The following PTPN4 variants were observed in gnomAD, a reference collection of about 807,000 sequenced individuals.
PTPN4 encodes tyrosine-protein phosphatase non-receptor type 4.
A neutral mutation model predicts 135.5 loss-of-function variants in PTPN4; 49 were observed. That is an observed-to-expected ratio of 0.36 (90% CI 0.29 to 0.46). PTPN4 has a LOEUF of 0.46. PTPN4 is among the 20% of genes least tolerant of loss of function. The pLI, the probability that PTPN4 is intolerant of heterozygous loss-of-function variation, is 1.00. For synonymous variants in PTPN4, 333 were observed against 369.9 expected (o/e 0.90, Z 1.14); for missense variants, 860 against 1,101.0 (o/e 0.78, Z 3.10).
At chr2:119,879,377 G>C (rs1678036404) in intron 5 of PTPN4, among the ~76,000 whole-genome samples, 1 of 152,160 alleles carries the variant, frequency 6.6e-6, no homozygotes, top group Non-Finnish European at 1.5e-5. Flanking sequence ...GAATTAATTT[G>C]CTCTCAGACC....
In PTPN4 at chr2:119,962,646, A is replaced by C. The variant is rs369578318; in HGVS notation, c.2311A>C (p.Thr771Pro). Residue 771 changes from threonine to proline, a missense_variant, in exon 24 of 27, where the codon ACA becomes CCA. By Grantham distance (38) the Thr-to-Pro change is conservative. Around this residue, in one of 2 missense-constraint regions of PTPN4, gnomAD observed 176 missense variants for 294.1 expected, o/e 0.60. Coordinates refer to ENST00000263708, the MANE Select transcript of PTPN4 (RefSeq NM_002830.4). ...ATGTCACCAATATTGGCCAGAACCC[A>C]CAGGCAGTTCATCTTATGGATGCTA... ...VKCHQYWPEP[T>P]GSSSYGCYQV... 1 of 1,577,654 alleles carries C rather than the reference A, an allele frequency of 6.3e-7. No homozygotes were observed. The highest frequency in any genetic ancestry group is 1.7e-5 in the Admixed American group (1 of 58,398).
At chr2:119,818,703 C>T (rs1368321687) in intron 2 of PTPN4, among the ~76,000 whole-genome samples, 1 of 152,102 alleles carries the variant, frequency 6.6e-6, no homozygotes, top group African/African-American at 2.4e-5. Context: ...TTATTAAGTC[C>T]CTCTAAATAA....
chr2:119,788,633 T>G (rs1691086186), intron 1 of PTPN4, among the ~76,000 whole-genome samples: 1 of 152,192 alleles, frequency 6.6e-6, no homozygotes, highest in Non-Finnish European at 1.5e-5. Context: ...TTGTCTGTGA[T>G]TTTGAACGTA....
chr2:119,778,485 G>A (rs1483899667), intron 1 of PTPN4, among the ~76,000 whole-genome samples: 7 of 152,148 alleles, frequency 4.6e-5, no homozygotes, highest in African/African-American at 1.7e-4. Context: ...TAGCAACTAG[G>A]AGCTATTCAC....
At chr2:119,873,811 T>C (rs1677947804) in intron 3 of PTPN4, among the ~76,000 whole-genome samples, 1 of 152,210 alleles carries the variant, frequency 6.6e-6, no homozygotes, top group Admixed American at 6.5e-5. Context: ...CAGCAGTTCT[T>C]GGCAAAGAAA....
At chr2:119,880,437 T>C (rs887583383) in intron 5 of PTPN4, among the ~76,000 whole-genome samples, 5 of 152,066 alleles carry the variant, frequency 3.3e-5, no homozygotes, top group Non-Finnish European at 7.4e-5. Flanking sequence ...TTTTTTTTTT[T>C]TTCTTTTTTT....
chr2:119,962,385 C>A (rs1389963790), intron 23 of PTPN4, among the ~76,000 whole-genome samples: 1 of 151,126 alleles, frequency 6.6e-6, no homozygotes, highest in Non-Finnish European at 1.5e-5. Flanking sequence ...ACCCAGGAGG[C>A]AGAGGTTGCA....
chr2:119,965,461 A>G (rs373618010), intron 24 of PTPN4, 36 bp from the exon 25 acceptor site: 17 of 1,562,912 alleles, frequency 1.1e-5, no homozygotes, highest in Non-Finnish European at 1.4e-5. Flanking sequence ...TCAATAATAC[A>G]TAAGTCAAGG....
At chr2:119,834,283 C>T (rs1294942756) in intron 2 of PTPN4, among the ~76,000 whole-genome samples, 1 of 152,102 alleles carries the variant, frequency 6.6e-6, no homozygotes, top group Non-Finnish European at 1.5e-5. Flanking sequence ...CAGACAACCT[C>T]TCATCACCTC....
intron 2 of PTPN4, among the ~76,000 whole-genome samples, chr2:119,821,254 A>T (rs538827938): frequency 6.6e-6 from 1 of 151,860 alleles, no homozygotes; most frequent in Non-Finnish European, 1.5e-5. Context: ...CACCATGCCC[A>T]GCTAATTTTT....
At chr2:119,932,210 C>G in intron 13 of PTPN4, 1 of 333,932 alleles carries the variant, frequency 3.0e-6, no homozygotes, top group South Asian at 5.9e-5. Context: ...CTTACTCTTC[C>G]TAGCCTGTCT....
chr2:119,816,583 C>A (rs1375858435), intron 2 of PTPN4, among the ~76,000 whole-genome samples: 1 of 152,054 alleles, frequency 6.6e-6, no homozygotes, highest in African/African-American at 2.4e-5. Context: ...TGTAACATAT[C>A]ATGAAATAAT....
chr2:119,847,016 G>A (rs1677509088), intron 2 of PTPN4, among the ~76,000 whole-genome samples: 1 of 150,694 alleles, frequency 6.6e-6, no homozygotes, highest in Non-Finnish European at 1.5e-5. Context: ...AGAGAGGAGA[G>A]CAAGTATGTA....
intron 18 of PTPN4, among the ~76,000 whole-genome samples, chr2:119,948,957 G>T (rs1455210077): frequency 6.6e-6 from 1 of 151,868 alleles, no homozygotes; most frequent in Non-Finnish European, 1.5e-5. Flanking sequence ...CTTATAATTA[G>T]AAAAGATAAT....
intron 19 of PTPN4, among the ~76,000 whole-genome samples, 180 bp from the exon 20 acceptor site, chr2:119,954,977 C>T (rs749723136): frequency 6.6e-5 from 10 of 152,126 alleles, no homozygotes; most frequent in Non-Finnish European, 1.5e-4. Flanking sequence ...CAGCAAAGCC[C>T]CTCAACTCCA....
chr2:119,953,205 A>G (rs950825630), intron 19 of PTPN4, among the ~76,000 whole-genome samples: 5 of 152,194 alleles, frequency 3.3e-5, no homozygotes, highest in Admixed American at 1.3e-4. Context: ...ACAATTTACT[A>G]TTAATCATTA....
chr2:119,876,027 A>G (rs1677978284), intron 3 of PTPN4, among the ~76,000 whole-genome samples: 1 of 152,174 alleles, frequency 6.6e-6, no homozygotes, highest in Non-Finnish European at 1.5e-5. Context: ...AGAGTACTGT[A>G]GGAAATCTAG....
chr2:119,766,449 CGTGTGTGTGTGTGTGT>C (rs745803520), intron 1 of PTPN4, among the ~76,000 whole-genome samples: 1 of 130,996 alleles, frequency 7.6e-6, no homozygotes, highest in African/African-American at 3.2e-5. Context: ...CATGTGCGCG[CGTGTGTGTGTGTGTGT>C]GTGTGTGTGT....
chr2:119,943,646 C>T (rs993888168), intron 15 of PTPN4, among the ~76,000 whole-genome samples: 12 of 120,766 alleles, frequency 9.9e-5, no homozygotes, highest in South Asian at 2.8e-4. Flanking sequence ...AGTGCAGTGG[C>T]GCGATCTTGG....
Sources: gnomAD v4.1 joint callset for allele counts (sites outside exome capture counted in the v4.1 genomes callset) on GRCh38, gnomAD v4.1.1 for gene constraint, gnomAD v4.1.1 regional missense constraint, MANE v1.5 for transcripts, NCBI Gene and HGNC (gene_info 2026-07-23, HGNC 2026-07-21) for gene names.